The following KIAA0825 variants were observed in gnomAD, a reference collection of about 807,000 sequenced individuals.
KIAA0825 encodes uncharacterized protein KIAA0825.
In KIAA0825, 119 loss-of-function variants were observed where a neutral mutation model predicts 147.6. The ratio of observed to expected loss-of-function variants is 0.81; its 90% CI spans 0.69 to 0.94. KIAA0825 has a LOEUF of 0.94. Among genes scored for constraint, KIAA0825 ranks in the 40% least tolerant of loss-of-function variants. The probability of loss-of-function intolerance (pLI) is 0.00; values close to 1 mark genes in which losing one functional copy is unlikely to be tolerated. For synonymous variants in KIAA0825, 470 were observed against 518.1 expected (o/e 0.91, Z 1.26); for missense variants, 1,381 against 1,472.7 (o/e 0.94, Z 1.02).
At chr5:94,417,412 A>G in intron 14 of KIAA0825, 47 bp from the exon 15 acceptor site, 2 of 1,458,444 alleles carry the variant, frequency 1.4e-6, no homozygotes, top group Non-Finnish European at 1.9e-6. Context: ...TTAGTAAGAT[A>G]TCAGTGAATA....
chr5:94,297,501 C>T (rs1048472316), intron 20 of KIAA0825, among the ~76,000 whole-genome samples: 1 of 152,078 alleles, frequency 6.6e-6, no homozygotes, highest in African/African-American at 2.4e-5. Flanking sequence ...TAATCATTTA[C>T]TGTTTTTATT....
At chr5:94,234,016 C>G (rs1286792354) in intron 20 of KIAA0825, among the ~76,000 whole-genome samples, 1 of 152,160 alleles carries the variant, frequency 6.6e-6, no homozygotes, top group Non-Finnish European at 1.5e-5. Flanking sequence ...TTTCATGTCT[C>G]TGTACCACAT....
intron 20 of KIAA0825, among the ~76,000 whole-genome samples, chr5:94,307,510 A>G (rs545866407): frequency 4.6e-5 from 7 of 151,792 alleles, no homozygotes; most frequent in Non-Finnish European, 7.4e-5. Context: ...GTTCCAATCT[A>G]TCTTTCTAGC....
intron 5 of KIAA0825, among the ~76,000 whole-genome samples, chr5:94,496,374 G>A (rs764068367): frequency 2.0e-5 from 3 of 152,152 alleles, no homozygotes; most frequent in Non-Finnish European, 4.4e-5. Context: ...CCTACCTTAT[G>A]GGCTGCAAAG....
At chr5:94,473,605 C>T in intron 7 of KIAA0825, 86 bp from the exon 8 acceptor site, 1 of 843,370 alleles carries the variant, frequency 1.2e-6, no homozygotes. Context: ...TTATTACTTT[C>T]ATTCAACATG....
intron 10 of KIAA0825, among the ~76,000 whole-genome samples, chr5:94,468,489 C>A (rs570058360): frequency 6.6e-6 from 1 of 152,324 alleles, no homozygotes; most frequent in African/African-American, 2.4e-5. Flanking sequence ...AGGCTACCAG[C>A]TGCACCATAC....
chr5:94,342,870 T>C (rs774391078), intron 20 of KIAA0825, among the ~76,000 whole-genome samples: 4 of 152,024 alleles, frequency 2.6e-5, no homozygotes, highest in Non-Finnish European at 5.9e-5. Flanking sequence ...TGAGTAGATG[T>C]CAAAAAATGT....
chr5:94,204,618 G>A (rs1771985310), intron 20 of KIAA0825, among the ~76,000 whole-genome samples: 1 of 152,120 alleles, frequency 6.6e-6, no homozygotes, highest in Admixed American at 6.6e-5. Context: ...TGAGCATCTT[G>A]CATAAGCTGA....
rs6149119 is a variant in KIAA0825, at chr5:94,478,451, T to TCACACACACA, written c.1133-1256_1133-1247dup. ...TGACTGTATGGCAGGCACATGTGCA[T>TCACACACACA]CACACACACACACACACACACACAC... On this transcript the variant is annotated intron_variant, in intron 6 of 20. Coordinates refer to ENST00000682413, the MANE Select transcript of KIAA0825 (RefSeq NM_001145678.3). Among the ~76,000 whole-genome samples the TCACACACACA allele has an allele frequency of 9.2e-3, 1,351 of 146,230 alleles. 24 individuals carry two copies. The highest frequency in any genetic ancestry group is 0.032 in the African/African-American group (1,255 of 39,536).
intron 20 of KIAA0825, among the ~76,000 whole-genome samples, chr5:94,281,272 G>A (rs921807276): frequency 9.3e-5 from 14 of 149,836 alleles, no homozygotes; most frequent in African/African-American, 1.7e-4. Context: ...ATTTTCTTGC[G>A]TATTGTCATT....
intron 15 of KIAA0825, among the ~76,000 whole-genome samples, chr5:94,405,843 C>T (rs1444020036): frequency 6.6e-6 from 1 of 152,152 alleles, no homozygotes; most frequent in African/African-American, 2.4e-5. Flanking sequence ...CCCATCCACT[C>T]CTAATAAATG....
chr5:94,563,950 G>A (rs531223999), intron 2 of KIAA0825, among the ~76,000 whole-genome samples: 1 of 152,270 alleles, frequency 6.6e-6, no homozygotes, highest in South Asian at 2.1e-4. Context: ...CTCCCAAACT[G>A]CTGGGATTAC....
chr5:94,265,064 T>C (rs1776680006), intron 20 of KIAA0825, among the ~76,000 whole-genome samples: 1 of 152,172 alleles, frequency 6.6e-6, no homozygotes, highest in Non-Finnish European at 1.5e-5. Flanking sequence ...ATTACAGGTA[T>C]GAGCCACTGT....
chr5:94,525,285 T>C (rs921852108), intron 3 of KIAA0825, among the ~76,000 whole-genome samples: 8 of 151,912 alleles, frequency 5.3e-5, no homozygotes, highest in Non-Finnish European at 1.0e-4. Flanking sequence ...ATAGATGTCA[T>C]ACGAAAGACT....
intron 20 of KIAA0825, among the ~76,000 whole-genome samples, chr5:94,383,273 A>G (rs1748671718): frequency 6.6e-6 from 1 of 152,186 alleles, no homozygotes; most frequent in South Asian, 2.1e-4. Flanking sequence ...GTGAAATATT[A>G]TAAATACCAC....
At chr5:94,491,656 T>A (rs192873382) in intron 5 of KIAA0825, among the ~76,000 whole-genome samples, 5 of 152,342 alleles carry the variant, frequency 3.3e-5, no homozygotes, top group African/African-American at 1.2e-4. Context: ...CCCCTTTTCT[T>A]GAGGCATTAT....
chr5:94,303,434 A>T (rs539944245), intron 20 of KIAA0825, among the ~76,000 whole-genome samples: 90 of 152,202 alleles, frequency 5.9e-4, no homozygotes, highest in African/African-American at 2.1e-3. Context: ...CCACCCTTTT[A>T]AAAAATAAAC....
chr5:94,558,613 C>T (rs530776257), intron 2 of KIAA0825, among the ~76,000 whole-genome samples: 28 of 152,258 alleles, frequency 1.8e-4, no homozygotes, highest in African/African-American at 6.5e-4. Flanking sequence ...CCATATCTGC[C>T]ATTAAACACC....
At chr5:94,184,660 A>C (rs1769961856) in intron 20 of KIAA0825, among the ~76,000 whole-genome samples, 1 of 152,210 alleles carries the variant, frequency 6.6e-6, no homozygotes, top group Non-Finnish European at 1.5e-5. Flanking sequence ...TTATCATGTA[A>C]ATTATTTTAA....
Sources: gnomAD v4.1 joint callset for allele counts (sites outside exome capture counted in the v4.1 genomes callset) on GRCh38, gnomAD v4.1.1 for gene constraint, MANE v1.5 for transcripts, NCBI Gene and HGNC (gene_info 2026-07-23, HGNC 2026-07-21) for gene names.